Variants in PARP4 observed in about 807,000 individuals in gnomAD.
PARP4 encodes protein mono-ADP-ribosyltransferase PARP4.
PARP4 carries 120 observed loss-of-function variants against 187.7 expected under a neutral mutation model. The observed-to-expected ratio is 0.64, with a 90% confidence interval of 0.55 to 0.74. PARP4 has a LOEUF of 0.74. Among genes scored for constraint, PARP4 ranks in the 30% least tolerant of loss-of-function variants. The pLI is 0.00. For synonymous variants in PARP4, 654 were observed against 740.9 expected (o/e 0.88, Z 1.90); for missense variants, 1,836 against 2,070.5 (o/e 0.89, Z 2.20).
chr13:24,505,911 G>A (rs921010554), intron 1 of PARP4, among the ~76,000 whole-genome samples: 2 of 152,224 alleles, frequency 1.3e-5, no homozygotes, highest in South Asian at 2.1e-4. Flanking sequence ...CGCGGCCCAC[G>A]CGTCTTGGGA....
intron 30 of PARP4, among the ~76,000 whole-genome samples, chr13:24,437,849 C>CAAAAAAAAAAAAAAAAAA (rs1216300092): frequency 5.9e-5 from 7 of 118,356 alleles, no homozygotes; most frequent in South Asian, 5.3e-4. Context: ...GACTCCATCT[C>CAAAAAAAAAAAAAAAAAA]AAAAAAAAAA....
chr13:24,435,916 CAA>C (rs56254149), intron 30 of PARP4, among the ~76,000 whole-genome samples: 2,612 of 87,840 alleles, frequency 0.03, 61 homozygotes, highest in African/African-American at 0.099. Flanking sequence ...TATTCTGTCT[CAA>C]AAAAAAAAAA....
At chr13:24,424,673 CTTTTTTT>C (rs1241681310) in intron 33 of PARP4, among the ~76,000 whole-genome samples, 6 of 129,076 alleles carry the variant, frequency 4.6e-5, no homozygotes, top group Non-Finnish European at 9.6e-5. Flanking sequence ...AAATTATGTA[CTTTTTTT>C]TTTTTTTTTG....
intron 2 of PARP4, among the ~76,000 whole-genome samples, chr13:24,502,163 A>AAAG (rs1050436240): frequency 5.3e-5 from 8 of 152,102 alleles, no homozygotes; most frequent in African/African-American, 1.7e-4. Context: ...TTAGTAGTGG[A>AAAG]AAGGGAGGTT....
intron 27 of PARP4, among the ~76,000 whole-genome samples, chr13:24,445,364 G>A (rs554327360): frequency 3.3e-5 from 5 of 151,896 alleles, no homozygotes; most frequent in Non-Finnish European, 7.4e-5. Context: ...ATGAGGGCTG[G>A]TTGCTGGGGA....
At chr13:24,496,232 CA>C (rs1868946994) in intron 6 of PARP4, among the ~76,000 whole-genome samples, 1 of 151,874 alleles carries the variant, frequency 6.6e-6, no homozygotes, top group African/African-American at 2.4e-5. Flanking sequence ...ACTTCTTACC[CA>C]AACAACTATA....
In PARP4 at chr13:24,478,184, T is replaced by G. The variant is rs758405294; in HGVS notation, c.1541A>C (p.His514Pro). 3.1e-6 allele frequency: 5 copies of G among 1,613,846 alleles called. No individual in the cohort carries two copies. In the African/African-American group the frequency reaches 4.0e-5, roughly 13 times the overall value. Residue 514 changes from histidine to proline, a missense_variant, in exon 13 of 34, where the codon CAT becomes CCT. By Grantham distance (77) the His-to-Pro change is moderately conservative (BLOSUM62 -2). Around this residue, in one of 8 missense-constraint regions of PARP4, gnomAD observed 1,147 missense variants for 1,214.2 expected, o/e 0.94. Transcript: ENST00000381989. The stretch of plus-strand genomic sequence containing the variant: ...TTCAGTTAAGGAAAAGTCCTTCTCA[T>G]GTAAGTCCATACACTTTCCGAGGGC... Reference protein sequence around the residue: ...DVALGKCMDLHEKDFSLTEAP... With the variant: ...DVALGKCMDLPEKDFSLTEAP...
intron 17 of PARP4, among the ~76,000 whole-genome samples, chr13:24,462,865 G>T (rs988039143): frequency 8.7e-6 from 1 of 115,162 alleles, no homozygotes; most frequent in Non-Finnish European, 2.0e-5. Context: ...AACAAGAAAT[G>T]AAAGTGAAAA....
intron 1 of PARP4, among the ~76,000 whole-genome samples, chr13:24,506,546 T>C (rs551752866): frequency 2.0e-5 from 3 of 152,176 alleles, no homozygotes; most frequent in South Asian, 2.1e-4. Flanking sequence ...ATCCCTGAGC[T>C]AGACACAAGT....
In PARP4 at chr13:24,421,203, G is replaced by A. The variant is rs1270384533; in HGVS notation, c.5091C>T (p.Asp1697=). The change falls in exon 34 of 34, where the codon GAC becomes GAT. Residue 1697 remains aspartate, a synonymous_variant. Transcript: ENST00000381989. ...GTCCCAGCAACTGCTTGGTGGCAGA[G>A]TCCCAGTCGTTCCCCAGTTCAAGCC... ...CPRLELGNDW[D]SATKQLLGLQ... is the part of the protein sequence containing the mutation. 3.5e-6 allele frequency: 5 copies of A among 1,431,434 alleles called. No individual in the cohort carries two copies. Among genetic ancestry groups the A allele is most frequent in the Non-Finnish European group, 3.7e-6 (4 of 1,071,442 alleles). 88.7% of individuals were successfully genotyped at this position (1,431,434 alleles called of 1,614,324 possible).
chr13:24,455,034 A>C lies in PARP4; in HGVS notation c.2741T>G (p.Ile914Ser), dbSNP rs1018771583. Residue 914 changes from isoleucine (I) to serine (S), a missense_variant, in exon 22 of 34, where the codon ATT becomes AGT. Ile to Ser is a moderately radical substitution (Grantham distance 142, BLOSUM62 -2). Around this residue, in one of 8 missense-constraint regions of PARP4, gnomAD observed 1,147 missense variants for 1,214.2 expected, o/e 0.94. Coordinates refer to ENST00000381989, the MANE Select transcript of PARP4 (RefSeq NM_006437.4). ...GCACTCACCTGTGCCGAACTGGATA[A>C]TATTTACTTTCTGCTTCTCACCCAC... ...SLVGEKQKVNIIQFGTGYKEL... is the reference protein window; with the variant it reads ...SLVGEKQKVNSIQFGTGYKEL... The C allele has an allele frequency of 1.2e-6, 2 of 1,607,844 alleles. No homozygotes were observed. Among genetic ancestry groups the C allele is most frequent in the Non-Finnish European group, 1.7e-6 (2 of 1,175,036 alleles).
intron 2 of PARP4, among the ~76,000 whole-genome samples, chr13:24,502,538 G>A (rs1239207749): frequency 6.6e-6 from 1 of 152,208 alleles, no homozygotes; most frequent in Non-Finnish European, 1.5e-5. Flanking sequence ...CCTCTTCCGT[G>A]CTGGCTTTTC....
rs778923857 is a variant in PARP4, at chr13:24,456,358, G to C, written c.2545C>G (p.Pro849Ala). The change falls in exon 21 of 34, where the codon CCA becomes GCA. Residue 849 changes from proline (P) to alanine (A), a missense_variant. Coordinates refer to ENST00000381989, the MANE Select transcript of PARP4 (RefSeq NM_006437.4). ...YLPRMWVEKH[P>A]EKESEACMLV... ...GAGTATACCTCGCTTTCTTTTTCTG[G>C]ATGTTTTTCAACCCACATTCTTGGG... 1 of 1,608,762 alleles carries C rather than the reference G, an allele frequency of 6.2e-7. No individual in the cohort carries two copies. The highest frequency in any genetic ancestry group is 8.5e-7 in the Non-Finnish European group (1 of 1,176,420).
At chr13:24,423,497 C>T (rs1004242476) in intron 33 of PARP4, among the ~76,000 whole-genome samples, 11 of 150,850 alleles carry the variant, frequency 7.3e-5, no homozygotes, top group East Asian at 2.0e-4. Flanking sequence ...TGCCACTGCA[C>T]GCCAGCCTGG....
intron 30 of PARP4, among the ~76,000 whole-genome samples, chr13:24,436,825 T>C (rs1439059885): frequency 6.6e-6 from 1 of 152,204 alleles, no homozygotes; most frequent in Non-Finnish European, 1.5e-5. Context: ...CCTGTGAATA[T>C]GAATGATTTA....
chr13:24,507,632 C>A (rs541832136), intron 1 of PARP4, among the ~76,000 whole-genome samples: 1 of 152,244 alleles, frequency 6.6e-6, no homozygotes, highest in African/African-American at 2.4e-5. Flanking sequence ...CCCATGCCCT[C>A]GCATCCTGAC....
chr13:24,436,438 G>T (rs1173341556), intron 30 of PARP4, among the ~76,000 whole-genome samples: 2 of 152,110 alleles, frequency 1.3e-5, no homozygotes, highest in African/African-American at 4.8e-5. Flanking sequence ...CCAGTAGCTG[G>T]GACTATGAGC....
intron 6 of PARP4, 48 bp from the exon 7 acceptor site, chr13:24,494,770 T>C (rs1181756806): frequency 2.2e-6 from 3 of 1,351,066 alleles, no homozygotes; most frequent in Non-Finnish European, 3.1e-6. Flanking sequence ...TTTACATATC[T>C]AGCTTTATTG....
chr13:24,478,170 A>G lies in PARP4; in HGVS notation c.1555T>C (p.Ser519Pro), dbSNP rs1233529788. Residue 519 changes from serine (S) to proline (P), a missense_variant, in exon 13 of 34, where the codon TCC (serine) becomes CCC (proline). By Grantham distance (74) the Ser-to-Pro change is moderately conservative. Around this residue, in one of 8 missense-constraint regions of PARP4, gnomAD observed 1,147 missense variants for 1,214.2 expected, o/e 0.94. Coordinates refer to ENST00000381989, the MANE Select transcript of PARP4 (RefSeq NM_006437.4). ...TAGCCTGGTGGTGCTTCAGTTAAGG[A>G]AAAGTCCTTCTCATGTAAGTCCATA... ...KCMDLHEKDF[S>P]LTEAPPGYDS... 1.2e-6 allele frequency: 2 copies of G among 1,613,880 alleles called. No individual in the cohort carries two copies. Among genetic ancestry groups the G allele is most frequent in the Admixed American group, 1.7e-5 (1 of 59,988 alleles).
Sources: allele counts gnomAD v4.1 joint callset (sites outside exome capture counted in the v4.1 genomes callset), GRCh38; gene constraint gnomAD v4.1.1; regional missense constraint gnomAD v4.1.1; transcripts MANE v1.5; gene names NCBI Gene and HGNC (gene_info 2026-07-23, HGNC 2026-07-21).